Variants in UTRN observed in about 807,000 individuals in gnomAD.
UTRN encodes the protein dystrophin-related protein 1.
UTRN carries 283 observed loss-of-function variants against 463.9 expected under a neutral mutation model. The observed-to-expected ratio is 0.61, with a 90% confidence interval of 0.55 to 0.67. UTRN has a LOEUF of 0.67. UTRN is among the 30% of genes least tolerant of loss of function. UTRN has a pLI of 0.00. For synonymous variants in UTRN, 1,442 were observed against 1,431.5 expected (o/e 1.01, Z -0.17); for missense variants, 3,922 against 4,084.3 (o/e 0.96, Z 1.08).
intron 58 of UTRN, among the ~76,000 whole-genome samples, chr6:144,768,760 A>G (rs1320591894): frequency 1.3e-5 from 2 of 152,150 alleles, no homozygotes; most frequent in Non-Finnish European, 2.9e-5. Context: ...AGAGTTTAAA[A>G]TAGCTCAGAG....
intron 6 of UTRN, among the ~76,000 whole-genome samples, chr6:144,426,014 C>T (rs1785261786): frequency 6.6e-6 from 1 of 151,936 alleles, no homozygotes; most frequent in Admixed American, 6.5e-5. Flanking sequence ...TCATTGTAAC[C>T]AAACATAGTA....
intron 59 of UTRN, among the ~76,000 whole-genome samples, chr6:144,773,864 G>A (rs1775072374): frequency 6.6e-6 from 1 of 152,138 alleles, no homozygotes; most frequent in Admixed American, 6.5e-5. Context: ...CTTGCTTTGG[G>A]GAAGAGAAGT....
At chr6:144,569,943 A>G (rs908761082) in intron 50 of UTRN, among the ~76,000 whole-genome samples, 13 of 152,328 alleles carry the variant, frequency 8.5e-5, no homozygotes, top group Non-Finnish European at 8.8e-5. Context: ...AAGAGGAACC[A>G]GATTCACCCC....
chr6:144,774,242 A>G (rs1307163596), intron 59 of UTRN, 48 bp from the exon 60 acceptor site: 11 of 1,501,132 alleles, frequency 7.3e-6, no homozygotes, highest in South Asian at 2.5e-5. Context: ...CATTCAATAT[A>G]TATTCAATAA....
chr6:144,425,260 G>A (rs895860662), intron 6 of UTRN, among the ~76,000 whole-genome samples: 16 of 152,096 alleles, frequency 1.1e-4, no homozygotes, highest in African/African-American at 2.9e-4. Flanking sequence ...TGGCAGGGAC[G>A]TCACAAAAGT....
rs915058617 is a variant in UTRN at position 144,738,965 on chromosome 6, G to A, written c.7939+8479G>A. On this transcript the variant is annotated intron_variant, in intron 54 of 74. Transcript: ENST00000367545. ...AGTTGAGTATAGTGGGTATAGTTGT[G>A]TATGTGTGTATGTGCATATACAACT... Among the ~76,000 whole-genome samples, 5 of 152,224 alleles carry A rather than the reference G, an allele frequency of 3.3e-5. No homozygotes were observed. The South Asian group carries it at 8.3e-4, about 25-fold the overall frequency.
chr6:144,709,645 T>A (rs1785464618), intron 53 of UTRN, among the ~76,000 whole-genome samples: 1 of 152,208 alleles, frequency 6.6e-6, no homozygotes, highest in South Asian at 2.1e-4. Context: ...ACAATACTGA[T>A]TAATTTGACG....
chr6:144,639,171 C>T (rs145304065), intron 51 of UTRN, among the ~76,000 whole-genome samples: 2 of 152,322 alleles, frequency 1.3e-5, no homozygotes, highest in African/African-American at 4.8e-5. Flanking sequence ...GATGACCTTA[C>T]TGCTTACCTC....
rs113874319 is a variant in UTRN at position 144,482,411 on chromosome 6, GTTATTATTA to G, written c.3687+47_3687+55del. ...GAGGTATGCTATTATTATTATTGTT[GTTATTATTA>G]TTATTATTATTATTATTATTATTTT... On this transcript the variant is annotated intron_variant, in intron 27 of 74. Transcript: ENST00000367545. 6.2e-4 allele frequency: 617 copies of G among 1,002,612 alleles called. 5 individuals are homozygous for G. In the African/African-American group the frequency reaches 6.9e-3, roughly 11 times the overall value. 62.1% of individuals were successfully genotyped at this position (1,002,612 alleles called of 1,614,324 possible).
At chr6:144,498,160 G>A (rs1408393815) in intron 33 of UTRN, among the ~76,000 whole-genome samples, 1 of 152,226 alleles carries the variant, frequency 6.6e-6, no homozygotes, top group Non-Finnish European at 1.5e-5. Flanking sequence ...GGTCATTATT[G>A]AACTTAGCAA....
chr6:144,634,593 T>A (rs1446984304), intron 51 of UTRN, among the ~76,000 whole-genome samples: 2 of 152,238 alleles, frequency 1.3e-5, no homozygotes, highest in Admixed American at 6.5e-5. Flanking sequence ...TTCCAAGTAA[T>A]GTACCCATTG....
At position 144,548,839 on chromosome 6, in the gene UTRN, C is replaced by T. The variant is rs199667784; in HGVS notation, c.6795C>T (p.Thr2265=). ...TVGDVEEINK[T]VSRMKITKAD... ...GGGATGTAGAAGAGATCAATAAGAC[C>T]GTTTCCCGAATGAAAGTAGGTGCAT... Residue 2265 remains threonine, a synonymous_variant, in exon 47 of 75, where the codon ACC becomes ACT. Transcript: ENST00000367545. The T allele has an allele frequency of 4.3e-6, 7 of 1,613,834 alleles. No individual in the cohort carries two copies. Among genetic ancestry groups the T allele is most frequent in the African/African-American group, 2.7e-5 (2 of 75,026 alleles).
At chr6:144,583,408 A>G (rs1802166795) in intron 51 of UTRN, 1 of 608,688 alleles carries the variant, frequency 1.6e-6, no homozygotes, top group Non-Finnish European at 3.1e-6. Flanking sequence ...AGAACTGACA[A>G]ATCATTGTCC....
chr6:144,329,294 G>C (rs947310256), intron 2 of UTRN, among the ~76,000 whole-genome samples: 9 of 151,494 alleles, frequency 5.9e-5, no homozygotes, highest in African/African-American at 2.2e-4. Context: ...TGTTGGCCAG[G>C]ATGGTCTCGA....
chr6:144,697,677 C>T (rs1784162344), intron 52 of UTRN, among the ~76,000 whole-genome samples: 2 of 152,116 alleles, frequency 1.3e-5, no homozygotes, highest in Non-Finnish European at 2.9e-5. Flanking sequence ...CACACATATA[C>T]CAATGTTTTC....
chr6:144,842,390 A>T (rs1429923787), intron 73 of UTRN, among the ~76,000 whole-genome samples: 1 of 152,072 alleles, frequency 6.6e-6, no homozygotes, highest in Non-Finnish European at 1.5e-5. Flanking sequence ...GACCAGCCTG[A>T]TTAACATGGC....
In UTRN at chr6:144,852,299, G is replaced by A. The variant is rs1782528520; in HGVS notation, c.*1302G>A. 1 of 152,036 alleles carries A rather than the reference G, an allele frequency of 6.6e-6. No homozygotes were observed. 9.4% of individuals were successfully genotyped at this position (152,036 alleles called of 1,614,324 possible). ...AATTATGTATTTTGGTTTAGCTTCT[G>A]ATTTAACATTTAATTGATTCAGTTT... On this transcript the variant is annotated 3_prime_UTR_variant, in exon 75 of 75. Transcript: ENST00000367545.
intron 70 of UTRN, 132 bp from the exon 71 acceptor site, chr6:144,836,169 G>A (rs1781084942): frequency 6.8e-7 from 1 of 1,469,318 alleles, no homozygotes; most frequent in African/African-American, 1.5e-5. Flanking sequence ...ATTCCTGCAT[G>A]CTCATCCTGC....
intron 51 of UTRN, among the ~76,000 whole-genome samples, chr6:144,662,538 C>T (rs776296254): frequency 1.3e-5 from 2 of 152,184 alleles, no homozygotes; most frequent in Admixed American, 1.3e-4. Context: ...CTAGCCTTAA[C>T]GATTTACCAC....
Sources: gnomAD v4.1 joint callset for allele counts (sites outside exome capture counted in the v4.1 genomes callset) on GRCh38, gnomAD v4.1.1 for gene constraint, MANE v1.5 for transcripts, NCBI Gene and HGNC (gene_info 2026-07-23, HGNC 2026-07-21) for gene names.